The following PCDHA7 variants were observed in gnomAD, a reference collection of about 807,000 sequenced individuals.
PCDHA7 encodes protocadherin alpha 7, also known as protocadherin alpha-7.
A neutral mutation model predicts 57.2 loss-of-function variants in PCDHA7; 37 were observed. That is an observed-to-expected ratio of 0.65 (90% confidence interval 0.50 to 0.85). PCDHA7 has a LOEUF of 0.85. Among genes scored for constraint, PCDHA7 ranks in the 40% least tolerant of loss-of-function variants. The probability of loss-of-function intolerance (pLI) is 0.00; values close to 1 mark genes in which losing one functional copy is unlikely to be tolerated. For missense variants in PCDHA7, 1,188 were observed against 1,241.8 expected (o/e 0.96, Z 0.65); for synonymous variants, 553 against 558.8 (o/e 0.99, Z 0.15).
In PCDHA7 at chr5:140,856,514, G is replaced by C. The variant is rs781942781; in HGVS notation, c.2355+19776G>C. 1 of 1,598,422 alleles carries C rather than the reference G, an allele frequency of 6.3e-7. No individual in the cohort carries two copies. The highest frequency in any genetic ancestry group is 1.3e-5 in the African/African-American group (1 of 74,442). On this transcript the variant is annotated intron_variant, in intron 1 of 3. Coordinates refer to ENST00000525929, the MANE Select transcript of PCDHA7 (RefSeq NM_018910.3). ...TGACTCTCGATTTCCACTAGAAGGC[G>C]CATCTGATGCGGATGTTGGAGAGAA... is the stretch of plus-strand genomic sequence containing the variant.
At chr5:140,843,714 A>G (rs2150365461) in intron 1 of PCDHA7, 11 of 1,569,726 alleles carry the variant, frequency 7.0e-6, no homozygotes, top group Admixed American at 6.9e-5. Flanking sequence ...CATGGCCTCA[A>G]AGTAAGTCCA....
At position 140,834,482 on chromosome 5, in the gene PCDHA7, C is replaced by T. The variant is rs2150219346; in HGVS notation, c.99C>T (p.Tyr33=). The T allele has an allele frequency of 5.0e-6, 8 of 1,614,172 alleles. No homozygotes were observed. The highest frequency in any genetic ancestry group is 1.1e-5 in the South Asian group (1 of 91,088). ...AGGCAGGGAGAGGCCAGCTCCACTACTCGGTCCCCGAGGAGGCTAAACATG... is the reference window on the plus strand; with the variant it reads ...AGGCAGGGAGAGGCCAGCTCCACTATTCGGTCCCCGAGGAGGCTAAACATG... ...AWEAGRGQLH[Y]SVPEEAKHGN... Residue 33 remains tyrosine (Y), a synonymous_variant, in exon 1 of 4, where the codon TAC becomes TAT. Coordinates refer to ENST00000525929, the MANE Select transcript of PCDHA7 (RefSeq NM_018910.3).
At chr5:140,954,086 C>T (rs2094976679) in intron 1 of PCDHA7, among the ~76,000 whole-genome samples, 1 of 152,212 alleles carries the variant, frequency 6.6e-6, no homozygotes, top group African/African-American at 2.4e-5. Context: ...CTTCCAGCTC[C>T]ATCCATGTCC....
chr5:140,966,970 G>C, intron 1 of PCDHA7: 1 of 1,602,870 alleles, frequency 6.2e-7, no homozygotes, highest in Non-Finnish European at 8.5e-7. Flanking sequence ...TGGGGCTTGA[G>C]CTGCGGCGCT....
chr5:140,929,413 A>G, intron 1 of PCDHA7: 1 of 1,505,438 alleles, frequency 6.6e-7, no homozygotes, highest in Non-Finnish European at 8.9e-7. Context: ...AGCCTTTCAC[A>G]ACATTTCATC....
At chr5:141,009,295 A>T (rs782350734) in intron 3 of PCDHA7, among the ~76,000 whole-genome samples, 13 of 152,030 alleles carry the variant, frequency 8.6e-5, no homozygotes, top group Admixed American at 3.9e-4. Context: ...TTTCTATAAA[A>T]TTTTTTTTAA....
In PCDHA7 at chr5:140,856,939, G is replaced by A. The variant is rs1554149308; in HGVS notation, c.2355+20201G>A. The stretch of plus-strand genomic sequence containing the variant: ...GAAGGAAATTTTGGATAAACGAAAG[G>A]ACGGGAGAAATAAAAGTAAATGATG... On this transcript the variant is annotated intron_variant, in intron 1 of 3. Coordinates refer to ENST00000525929, the MANE Select transcript of PCDHA7 (RefSeq NM_018910.3). 1.9e-6 allele frequency: 3 copies of A among 1,593,866 alleles called. No homozygotes were observed. The East Asian group carries it at 6.7e-5, about 36-fold the overall frequency.
chr5:140,883,970 C>A (rs1554180846), intron 1 of PCDHA7: 1 of 1,612,990 alleles, frequency 6.2e-7, no homozygotes, highest in South Asian at 1.1e-5. Context: ...GCTGCTGACG[C>A]CCGGGGCTGG....
intron 1 of PCDHA7, chr5:140,850,536 C>A (rs1342459599): frequency 1.9e-6 from 3 of 1,598,178 alleles, no homozygotes; most frequent in East Asian, 2.2e-5. Context: ...GTCATCGTCG[C>A]GGGCGTCAGT....
chr5:140,969,117 A>G (rs1554231477), intron 1 of PCDHA7: 1 of 1,614,178 alleles, frequency 6.2e-7, no homozygotes, highest in Non-Finnish European at 8.5e-7. Context: ...GTTCGAGGGA[A>G]TGGCTCCCTC....
rs2150532197 is a variant in PCDHA7, at chr5:140,853,456, T to A, written c.2355+16718T>A. 114 of 975,538 alleles carry A rather than the reference T, an allele frequency of 1.2e-4. 11 individuals are homozygous for A. The Admixed American group carries it at 6.5e-3, about 55-fold the overall frequency. The allele number at this position is 975,538 out of a possible 1,614,324, so 60.4% of individuals were successfully genotyped here. A position where few individuals can be genotyped will look rare whatever the true frequency, so the allele number is the denominator to read the frequency against. ...TCCTATTTTGCCTAATAGGTCTCCT[T>A]ATATGCATCTGTAGTTAACATTCCT... On this transcript the variant is annotated intron_variant, in intron 1 of 3. Transcript: ENST00000525929.
At chr5:140,962,170 C>T (rs1326323755) in intron 1 of PCDHA7, among the ~76,000 whole-genome samples, 6 of 152,194 alleles carry the variant, frequency 3.9e-5, no homozygotes, top group South Asian at 4.1e-4. Context: ...CCACCACACC[C>T]GGCCACTTAT....
intron 1 of PCDHA7, among the ~76,000 whole-genome samples, chr5:140,873,284 T>C (rs1554166661): frequency 1.3e-5 from 2 of 152,208 alleles, no homozygotes; most frequent in Non-Finnish European, 2.9e-5. Context: ...ATACCACTTA[T>C]GAAACTTTAT....
In PCDHA7 at chr5:140,927,151, T is replaced by C. The variant is rs781865588; in HGVS notation, c.2356-51798T>C. ...AGAGCCGGCGGACCGCGAACAGCTGTGCAGGGCCAAAGCTGCCTGCGTCTT... is the reference window on the plus strand; with the variant it reads ...AGAGCCGGCGGACCGCGAACAGCTGCGCAGGGCCAAAGCTGCCTGCGTCTT... On this transcript the variant is annotated intron_variant, in intron 1 of 3. Coordinates refer to ENST00000525929, the MANE Select transcript of PCDHA7 (RefSeq NM_018910.3). 15 of 1,614,128 alleles carry C rather than the reference T, an allele frequency of 9.3e-6. No homozygotes were observed. In the East Asian group the frequency reaches 3.3e-4, roughly 36 times the overall value.
At chr5:140,838,747 G>A (rs1055072551) in intron 1 of PCDHA7, among the ~76,000 whole-genome samples, 2 of 151,894 alleles carry the variant, frequency 1.3e-5, no homozygotes, top group South Asian at 2.1e-4. Flanking sequence ...ACCAGCTTGT[G>A]CATCTTTTGT....
At chr5:140,858,045 T>A (rs2150410176) in intron 1 of PCDHA7, 2 of 1,597,338 alleles carry the variant, frequency 1.3e-6, no homozygotes, top group Non-Finnish European at 1.7e-6. Flanking sequence ...ACTGTGCTTG[T>A]GTCGCTTGTG....
At chr5:140,863,299 G>A (rs868935823) in intron 1 of PCDHA7, 1 of 1,462,780 alleles carries the variant, frequency 6.8e-7, no homozygotes, top group Admixed American at 1.8e-5. Context: ...CCTGATCATC[G>A]CCATCTGCGT....
chr5:140,878,790 CTT>C (rs2057728380), intron 1 of PCDHA7, among the ~76,000 whole-genome samples: 1 of 152,154 alleles, frequency 6.6e-6, no homozygotes. Context: ...TGTTCAATCA[CTT>C]TTTAAAAACA....
chr5:140,968,068 C>T (rs1554230278), intron 1 of PCDHA7: 1 of 1,614,024 alleles, frequency 6.2e-7, no homozygotes, highest in East Asian at 2.2e-5. Context: ...GGGTGGCTGT[C>T]TACAACATCA....
Sources: gnomAD v4.1 joint callset for allele counts (sites outside exome capture counted in the v4.1 genomes callset) on GRCh38, gnomAD v4.1.1 for gene constraint, MANE v1.5 for transcripts, NCBI Gene and HGNC (gene_info 2026-07-23, HGNC 2026-07-21) for gene names.